The following CHSY3 variants were observed in gnomAD, a reference collection of about 807,000 sequenced individuals.
CHSY3 encodes the protein chondroitin sulfate synthase 3.
Under a neutral mutation model 67.2 loss-of-function variants are expected in CHSY3, and 35 were observed. The observed-to-expected ratio is 0.52, with a 90% CI of 0.40 to 0.69. CHSY3 has a LOEUF of 0.69. Among genes scored for constraint, CHSY3 ranks in the 30% least tolerant of loss-of-function variants. The pLI is 0.00. For missense variants in CHSY3, 1,069 were observed against 1,138.5 expected, an observed-to-expected ratio of 0.94 and a Z score of 0.88; for synonymous variants, 474 against 434.7, an observed-to-expected ratio of 1.09 and a Z score of -1.12.
chr5:130,133,853 A>ATGTT (rs1408600481), intron 2 of CHSY3, among the ~76,000 whole-genome samples: 1 of 144,974 alleles, frequency 6.9e-6, no homozygotes, highest in Non-Finnish European at 1.5e-5. Flanking sequence ...AAACTGGTTT[A>ATGTT]TGTTTGCTCC....
intron 2 of CHSY3, among the ~76,000 whole-genome samples, chr5:129,954,337 A>ACAGG (rs1239620557): frequency 6.6e-6 from 1 of 151,988 alleles, no homozygotes; most frequent in Non-Finnish European, 1.5e-5. Flanking sequence ...CCATTGGTCT[A>ACAGG]TATATCTGTT....
intron 2 of CHSY3, among the ~76,000 whole-genome samples, chr5:130,163,322 C>T (rs994232627): frequency 6.6e-6 from 1 of 152,058 alleles, no homozygotes; most frequent in East Asian, 1.9e-4. Flanking sequence ...AATTTTCCTT[C>T]TTTTTAGAGA....
chr5:130,001,498 G>C (rs1174124912), intron 2 of CHSY3: 3 of 961,382 alleles, frequency 3.1e-6, no homozygotes, highest in African/African-American at 1.8e-5. Flanking sequence ...CTGGTACCAA[G>C]ATCTAGTGAA....
intron 2 of CHSY3, among the ~76,000 whole-genome samples, chr5:130,160,898 TTTTTTTTTTTA>T (rs1561564208): frequency 4.8e-5 from 7 of 144,662 alleles, no homozygotes; most frequent in African/African-American, 1.8e-4. Context: ...TTTATTTATT[TTTTTTTTTTTA>T]TTTTTTTTTT....
chr5:130,171,276 T>C (rs906572988), intron 2 of CHSY3, among the ~76,000 whole-genome samples: 1 of 152,162 alleles, frequency 6.6e-6, no homozygotes, highest in African/African-American at 2.4e-5. Context: ...TCAGGCTAAA[T>C]CAGGCAGATA....
At chr5:130,070,274 G>A (rs1766015237) in intron 2 of CHSY3, among the ~76,000 whole-genome samples, 1 of 152,010 alleles carries the variant, frequency 6.6e-6, no homozygotes, top group African/African-American at 2.4e-5. Flanking sequence ...TGTATTCATT[G>A]TCATAAAATG....
chr5:129,969,442 A>G (rs1193078296), intron 2 of CHSY3, among the ~76,000 whole-genome samples: 2 of 151,852 alleles, frequency 1.3e-5, no homozygotes, highest in Non-Finnish European at 2.9e-5. Context: ...ACATTAGCTA[A>G]TTGTAGTTAA....
At position 129,920,564 on chromosome 5, in the gene CHSY3, C is replaced by G. The variant is rs532385252; in HGVS notation, c.1086+12204C>G. ...CAGCCAAGGAATTGGTTTCAAGACC[C>G]CTGGTGGATGCCTGAAACCCTCTGT... On this transcript the variant is annotated intron_variant, in intron 2 of 2. Transcript: ENST00000305031. Among the ~76,000 whole-genome samples, 23 of 152,124 alleles carry G rather than the reference C, an allele frequency of 1.5e-4. 1 individual carries two copies. The South Asian group carries it at 4.8e-3, about 32-fold the overall frequency.
chr5:130,176,800 A>C (rs1437854223), intron 2 of CHSY3, among the ~76,000 whole-genome samples: 1 of 152,104 alleles, frequency 6.6e-6, no homozygotes, highest in Non-Finnish European at 1.5e-5. Flanking sequence ...ATGAGAACAC[A>C]TGGACACAGG....
Position 129,917,891 on chromosome 5 carries a change from T to C in CHSY3, c.1086+9531T>C, listed in dbSNP as rs890364379. ...CAGCATGGATAGTGTTTAAAACTTC[T>C]CAGGTGACCCTAATTTGGCTTCAGG... On this transcript the variant is annotated intron_variant, in intron 2 of 2. Coordinates refer to ENST00000305031, the MANE Select transcript of CHSY3 (RefSeq NM_175856.5). Among the ~76,000 whole-genome samples, 12 of 152,366 alleles carry C rather than the reference T, an allele frequency of 7.9e-5. No individual in the cohort carries two copies. The East Asian group carries it at 2.3e-3, about 29-fold the overall frequency.
chr5:130,135,188 A>C (rs1768620328), intron 2 of CHSY3, among the ~76,000 whole-genome samples: 1 of 151,822 alleles, frequency 6.6e-6, no homozygotes, highest in Non-Finnish European at 1.5e-5. Flanking sequence ...GTGTGTATAC[A>C]TACATACATA....
chr5:130,091,134 ACG>A (rs1382079881), intron 2 of CHSY3, among the ~76,000 whole-genome samples: 4 of 114,206 alleles, frequency 3.5e-5, no homozygotes, highest in African/African-American at 1.5e-4. Flanking sequence ...ACACACACAC[ACG>A]CACACGCGCG....
intron 2 of CHSY3, among the ~76,000 whole-genome samples, chr5:129,944,491 C>T (rs1484795004): frequency 6.6e-6 from 1 of 151,946 alleles, no homozygotes; most frequent in South Asian, 2.1e-4. Flanking sequence ...AACACCACCA[C>T]ACTCAGCTAA....
At chr5:129,970,012 G>A (rs983949225) in intron 2 of CHSY3, among the ~76,000 whole-genome samples, 1 of 151,652 alleles carries the variant, frequency 6.6e-6, no homozygotes, top group African/African-American at 2.4e-5. Flanking sequence ...GCCACATGCT[G>A]TCCCTGCTTA....
At chr5:129,918,691 A>G (rs1405982962) in intron 2 of CHSY3, among the ~76,000 whole-genome samples, 1 of 152,168 alleles carries the variant, frequency 6.6e-6, no homozygotes, top group Non-Finnish European at 1.5e-5. Flanking sequence ...TGGTTCCAGC[A>G]TATGTACAGG....
At chr5:129,968,983 C>T (rs1381215646) in intron 2 of CHSY3, among the ~76,000 whole-genome samples, 1 of 151,734 alleles carries the variant, frequency 6.6e-6, no homozygotes, top group African/African-American at 2.4e-5. Flanking sequence ...ACTTATTTTT[C>T]TGACCTTTTA....
rs1314694755 is a variant in CHSY3, at chr5:130,143,813, T to C, written c.1087-40416T>C. Among the ~76,000 whole-genome samples the C allele has an allele frequency of 7.2e-3, 569 of 79,006 alleles. 12 individuals carry two copies. The highest frequency in any genetic ancestry group is 0.011 in the South Asian group (28 of 2,472). The allele number at this position is 79,006 out of a possible 152,430, so 51.8% of individuals were successfully genotyped here. A position where few individuals can be genotyped will look rare whatever the true frequency, so the allele number is the denominator to read the frequency against. On this transcript the variant is annotated intron_variant, in intron 2 of 2. Coordinates refer to ENST00000305031, the MANE Select transcript of CHSY3 (RefSeq NM_175856.5). ...ATATATATATATATATATGTGTGTA[T>C]ATATATATATATATATATATATATA... is the stretch of plus-strand genomic sequence containing the variant.
intron 2 of CHSY3, among the ~76,000 whole-genome samples, chr5:130,147,937 G>A (rs894751417): frequency 6.6e-6 from 1 of 152,148 alleles, no homozygotes; most frequent in African/African-American, 2.4e-5. Flanking sequence ...TTGTTGTACA[G>A]ATTATTTTGT....
At chr5:129,988,668 G>A (rs1451692955) in intron 2 of CHSY3, among the ~76,000 whole-genome samples, 3 of 152,176 alleles carry the variant, frequency 2.0e-5, no homozygotes, top group African/African-American at 7.2e-5. Context: ...TTCTATTAGA[G>A]CTGTCACTTA....
Sources: gnomAD v4.1 joint callset for allele counts (sites outside exome capture counted in the v4.1 genomes callset) on GRCh38, gnomAD v4.1.1 for gene constraint, MANE v1.5 for transcripts, NCBI Gene and HGNC (gene_info 2026-07-23, HGNC 2026-07-21) for gene names.